Variants in RIMKLB observed in about 807,000 individuals in gnomAD.
RIMKLB encodes ribosomal modification protein rimK like family member B.
In RIMKLB, 7 loss-of-function variants were observed where a neutral mutation model predicts 32.0. The observed-to-expected ratio is 0.22, with a 90% CI of 0.12 to 0.41. The LOEUF is 0.41. RIMKLB is among the 10% of genes least tolerant of loss of function. RIMKLB has a pLI of 1.00. For synonymous variants in RIMKLB, 172 were observed against 185.1 expected, an observed-to-expected ratio of 0.93 and a Z score of 0.57; for missense variants, 289 against 498.7, an observed-to-expected ratio of 0.58 and a Z score of 4.00.
intron 2 of RIMKLB, among the ~76,000 whole-genome samples, chr12:8,741,551 G>C (rs770653634): frequency 6.6e-6 from 1 of 151,644 alleles, no homozygotes; most frequent in African/African-American, 2.4e-5. Flanking sequence ...GTGGTGAGGC[G>C]GGTGGATCAC....
chr12:8,705,684 A>G (rs753231702), intron 1 of RIMKLB, among the ~76,000 whole-genome samples: 7 of 152,172 alleles, frequency 4.6e-5, no homozygotes, highest in Non-Finnish European at 7.4e-5. Context: ...TTTTAATTGT[A>G]TACGTATTTT....
At chr12:8,681,001 T>TTTC (rs1271056035), upstream of RIMKLB, among the ~76,000 whole-genome samples, 8 of 152,120 alleles carry the variant, frequency 5.3e-5, no homozygotes, top group African/African-American at 1.7e-4. Context: ...TTTTTTTTTT[T>TTTC]TGAGACAGGG....
chr12:8,737,886 G>C (rs1947162731), intron 2 of RIMKLB, among the ~76,000 whole-genome samples: 1 of 152,098 alleles, frequency 6.6e-6, no homozygotes, highest in Non-Finnish European at 1.5e-5. Flanking sequence ...GGCTAATTTT[G>C]TATTTTTAGT....
upstream of RIMKLB, among the ~76,000 whole-genome samples, chr12:8,680,219 G>C (rs773842482): frequency 7.9e-5 from 12 of 152,164 alleles, no homozygotes; most frequent in African/African-American, 2.2e-4. Flanking sequence ...GCAGTGGCGC[G>C]ATCTCGGCTC....
chr12:8,776,301 A>T lies in RIMKLB; in HGVS notation c.*2517A>T. ...TGTTAGAATGAAAAGAGCAGTAGTT[A>T]TCTTAGATTTTAAAAACATGGATAT... On this transcript the variant is annotated 3_prime_UTR_variant, in exon 6 of 6. Coordinates refer to ENST00000535829, the MANE Select transcript of RIMKLB (RefSeq NM_001297776.2). 1 of 972,774 alleles carries T rather than the reference A, an allele frequency of 1.0e-6. No individual in the cohort carries two copies. The highest frequency in any genetic ancestry group is 1.2e-6 in the Non-Finnish European group (1 of 819,574). The allele number at this position is 972,774 out of a possible 1,614,324, so 60.3% of individuals were successfully genotyped here. A position where few individuals can be genotyped will look rare whatever the true frequency, so the allele number is the denominator to read the frequency against.
chr12:8,707,238 C>A (rs1430974602), intron 1 of RIMKLB, among the ~76,000 whole-genome samples: 3 of 152,268 alleles, frequency 2.0e-5, no homozygotes, highest in Non-Finnish European at 2.9e-5. Context: ...CCGTACCATG[C>A]CCCCCACCAG....
chr12:8,676,653 C>T (rs777208879), upstream of RIMKLB, among the ~76,000 whole-genome samples: 31 of 152,056 alleles, frequency 2.0e-4, no homozygotes, highest in African/African-American at 7.5e-4. Context: ...CCCGCCTCGG[C>T]TTCCCAAAGT....
chr12:8,707,238 C>T (rs1430974602), intron 1 of RIMKLB, among the ~76,000 whole-genome samples: 1 of 152,150 alleles, frequency 6.6e-6, no homozygotes, highest in Non-Finnish European at 1.5e-5. Flanking sequence ...CCGTACCATG[C>T]CCCCCACCAG....
chr12:8,730,031 T>G (rs914861497), intron 2 of RIMKLB, among the ~76,000 whole-genome samples: 1 of 152,048 alleles, frequency 6.6e-6, no homozygotes, highest in African/African-American at 2.4e-5. Flanking sequence ...CACAAGAGTT[T>G]AAGAAATTGT....
intron 5 of RIMKLB, among the ~76,000 whole-genome samples, chr12:8,757,012 G>A (rs1303974724): frequency 6.6e-6 from 1 of 151,928 alleles, no homozygotes; most frequent in Non-Finnish European, 1.5e-5. Flanking sequence ...AATGACTTCT[G>A]CCTCCTTGAA....
Position 8,777,000 on chromosome 12 carries a change from C to G in RIMKLB, c.*3216C>G. ...TGTGTTATACTTTTCTCCTGGCTCACTTTTTTTGAGAAGGTTTATGGGCTA... is the reference window on the plus strand; with the variant it reads ...TGTGTTATACTTTTCTCCTGGCTCAGTTTTTTTGAGAAGGTTTATGGGCTA... On this transcript the variant is annotated 3_prime_UTR_variant, in exon 6 of 6. Transcript: ENST00000535829. 1 of 985,738 alleles carries G rather than the reference C, an allele frequency of 1.0e-6. No individual in the cohort carries two copies. The highest frequency in any genetic ancestry group is 1.2e-6 in the Non-Finnish European group (1 of 829,892). The allele number at this position is 985,738 out of a possible 1,614,324, so 61.1% of individuals were successfully genotyped here. A position where few individuals can be genotyped will look rare whatever the true frequency, so the allele number is the denominator to read the frequency against.
At chr12:8,691,895 G>A (rs1942744004) in intron 1 of RIMKLB, among the ~76,000 whole-genome samples, 1 of 152,146 alleles carries the variant, frequency 6.6e-6, no homozygotes, top group Non-Finnish European at 1.5e-5. Flanking sequence ...ACAGATGTGT[G>A]ACAGATGCAC....
upstream of RIMKLB, among the ~76,000 whole-genome samples, chr12:8,681,332 A>C (rs1942405384): frequency 6.6e-6 from 1 of 152,214 alleles, no homozygotes; most frequent in South Asian, 2.1e-4. Flanking sequence ...GTACAAAAAA[A>C]AAATATGTTG....
chr12:8,745,359 A>G (rs979138072), intron 2 of RIMKLB, among the ~76,000 whole-genome samples: 12 of 151,340 alleles, frequency 7.9e-5, no homozygotes, highest in African/African-American at 2.4e-4. Flanking sequence ...TTCAACTTAT[A>G]TATTCCTATT....
At chr12:8,690,688 G>A (rs889950763) in intron 1 of RIMKLB, among the ~76,000 whole-genome samples, 1 of 152,204 alleles carries the variant, frequency 6.6e-6, no homozygotes, top group African/African-American at 2.4e-5. Context: ...ACTTTGGAAG[G>A]CCAATGCAGG....
intron 5 of RIMKLB, among the ~76,000 whole-genome samples, chr12:8,768,323 A>T (rs188731169): frequency 4.5e-4 from 68 of 152,340 alleles, no homozygotes; most frequent in Non-Finnish European, 8.1e-4. Flanking sequence ...TGGGTCTGGG[A>T]CAGTGGCAAA....
At chr12:8,714,279 A>G (rs545686931) in intron 2 of RIMKLB, 7 of 373,732 alleles carry the variant, frequency 1.9e-5, no homozygotes, top group African/African-American at 1.5e-4. Flanking sequence ...CAATAAAACA[A>G]AGTAGGCGCA....
intron 1 of RIMKLB, among the ~76,000 whole-genome samples, chr12:8,711,058 T>C (rs1330669409): frequency 6.6e-6 from 1 of 150,968 alleles, no homozygotes. Flanking sequence ...AAACCCCATA[T>C]CTACTAAAAA....
chr12:8,719,482 C>G (rs1176159546), intron 2 of RIMKLB, among the ~76,000 whole-genome samples: 9 of 152,270 alleles, frequency 5.9e-5, no homozygotes, highest in African/African-American at 2.2e-4. Context: ...GATTCTCCTG[C>G]CTCAGCCTCC....
Sources: gnomAD v4.1 joint callset for allele counts (sites outside exome capture counted in the v4.1 genomes callset) on GRCh38, gnomAD v4.1.1 for gene constraint, MANE v1.5 for transcripts, NCBI Gene and HGNC (gene_info 2026-07-23, HGNC 2026-07-21) for gene names.